GNA12: variants seen among roughly 807,000 people sequenced by gnomAD.
GNA12 encodes the protein G protein subunit alpha 12, also known as guanine nucleotide-binding protein subunit alpha-12.
Under a neutral mutation model 26.0 loss-of-function variants are expected in GNA12, and 9 were observed. That is an observed-to-expected ratio of 0.35 (90% CI 0.21 to 0.60). GNA12 has a LOEUF of 0.60. Among genes scored for constraint, GNA12 ranks in the 20% least tolerant of loss-of-function variants. The pLI is 0.78. For missense variants in GNA12, 405 were observed against 525.8 expected, an observed-to-expected ratio of 0.77 and a Z score of 2.25; for synonymous variants, 264 against 219.6, an observed-to-expected ratio of 1.20 and a Z score of -1.79.
At chr7:2,814,253 G>T in intron 1 of GNA12, 1 of 883,942 alleles carries the variant, frequency 1.1e-6, no homozygotes, top group South Asian at 1.3e-5. Context: ...CTTCTTTGGA[G>T]AATCCTGACT....
At chr7:2,814,635 CTT>C (rs35209860) in intron 1 of GNA12, among the ~76,000 whole-genome samples, 3,163 of 133,642 alleles carry the variant, frequency 0.024, 82 homozygotes, top group African/African-American at 0.066. Context: ...CTTTTCCTGC[CTT>C]TTTTTTTTTT....
chr7:2,786,283 A>G (rs919986785), intron 2 of GNA12, among the ~76,000 whole-genome samples: 1 of 152,222 alleles, frequency 6.6e-6, no homozygotes, highest in African/African-American at 2.4e-5. Context: ...TATCTGTGTA[A>G]CTTCCTGTGA....
rs370657338 is a variant in GNA12, at chr7:2,822,075, C to T, written c.309+21778G>A. On this transcript the variant is annotated intron_variant, in intron 1 of 3. Coordinates refer to ENST00000275364, the MANE Select transcript of GNA12 (RefSeq NM_007353.3). ...GATATACACATCAACAAGGGTGATT[C>T]AGATTACCACCAACATTTCTTAACA... 2.6e-5 allele frequency among the ~76,000 whole-genome samples: 4 copies of T among 152,172 alleles called. No individual in the cohort carries two copies. In the East Asian group the frequency reaches 5.8e-4, roughly 22 times the overall value.
chr7:2,837,678 T>C (rs891934803), intron 1 of GNA12, among the ~76,000 whole-genome samples: 1 of 152,130 alleles, frequency 6.6e-6, no homozygotes, highest in Non-Finnish European at 1.5e-5. Context: ...CCTTCAGGAA[T>C]GAAGAGGAAA....
intron 1 of GNA12, among the ~76,000 whole-genome samples, chr7:2,833,739 CTG>C (rs33942482): frequency 0.25 from 37,338 of 151,948 alleles, 5,096 homozygotes; most frequent in Non-Finnish European, 0.29. Context: ...AAAAACCAAA[CTG>C]TGCTTCCAGA....
intron 2 of GNA12, among the ~76,000 whole-genome samples, chr7:2,786,546 A>G (rs1459049170): frequency 2.6e-5 from 4 of 152,190 alleles, no homozygotes; most frequent in Admixed American, 2.6e-4. Flanking sequence ...ACGTATAAAC[A>G]TATTATATCT....
At chr7:2,741,637 G>A (rs182832128) in intron 2 of GNA12, among the ~76,000 whole-genome samples, 43 of 151,902 alleles carry the variant, frequency 2.8e-4, no homozygotes, top group African/African-American at 9.7e-4. Flanking sequence ...TCTTTCTCTA[G>A]ATTCACCTGT....
intron 2 of GNA12, among the ~76,000 whole-genome samples, chr7:2,742,935 C>A (rs1331065639): frequency 6.6e-6 from 1 of 152,204 alleles, no homozygotes; most frequent in Non-Finnish European, 1.5e-5. Context: ...CCTGTAGGTT[C>A]TTCTCAATTT....
At position 2,745,756 on chromosome 7, in the gene GNA12, T is replaced by G. The variant is rs913635178; in HGVS notation, c.526-12255A>C. On this transcript the variant is annotated intron_variant, in intron 2 of 3. Transcript: ENST00000275364. Reference sequence around the variant, plus strand: ...GATAAAGAGTCAAGACCCATCAGTGTGCTGTATTCAGGAAACCCATCTCAC... The same window carrying G: ...GATAAAGAGTCAAGACCCATCAGTGGGCTGTATTCAGGAAACCCATCTCAC... Among the ~76,000 whole-genome samples the G allele has an allele frequency of 7.0e-4, 106 of 152,320 alleles. 1 individual carries two copies. Among genetic ancestry groups the G allele is most frequent in the Non-Finnish European group, 1.2e-3 (83 of 68,024 alleles).
chr7:2,730,866 C>G lies in GNA12; in HGVS notation c.*315G>C. On this transcript the variant is annotated 3_prime_UTR_variant, in exon 4 of 4. Transcript: ENST00000275364. Reference sequence around the variant, plus strand: ...ACACACAACACGGTCCTCAATTAAACTGCGTCAGAAAAAGAGGAACGTTTC... The same window carrying G: ...ACACACAACACGGTCCTCAATTAAAGTGCGTCAGAAAAAGAGGAACGTTTC... 3.1e-6 allele frequency: 1 copy of G among 322,302 alleles called. No homozygotes were observed. The highest frequency in any genetic ancestry group is 4.7e-5 in the South Asian group (1 of 21,090). The allele number at this position is 322,302 out of a possible 1,614,324, so 20.0% of individuals were successfully genotyped here.
chr7:2,756,944 C>T (rs895478873), intron 2 of GNA12, among the ~76,000 whole-genome samples: 14 of 152,150 alleles, frequency 9.2e-5, no homozygotes, highest in African/African-American at 2.9e-4. Flanking sequence ...TGTGGTGGCA[C>T]ATGCCTGTAG....
At chr7:2,782,820 A>T (rs1792264020) in intron 2 of GNA12, among the ~76,000 whole-genome samples, 1 of 150,904 alleles carries the variant, frequency 6.6e-6, no homozygotes. Flanking sequence ...CTTCCTCCTG[A>T]CCTTTTATAT....
At chr7:2,760,603 T>C (rs570208643) in intron 2 of GNA12, among the ~76,000 whole-genome samples, 2 of 152,298 alleles carry the variant, frequency 1.3e-5, no homozygotes, top group South Asian at 2.1e-4. Context: ...CACCAGAGCC[T>C]GTGAAGACTT....
chr7:2,811,552 C>G (rs1454827808), intron 1 of GNA12, among the ~76,000 whole-genome samples: 2 of 152,158 alleles, frequency 1.3e-5, no homozygotes, highest in African/African-American at 4.8e-5. Flanking sequence ...ATATAGACTT[C>G]TTAAAAAATC....
At chr7:2,801,001 C>T (rs1226174728) in intron 1 of GNA12, among the ~76,000 whole-genome samples, 6 of 152,052 alleles carry the variant, frequency 3.9e-5, no homozygotes, top group Non-Finnish European at 5.9e-5. Context: ...TATCTCGGCA[C>T]GGAGAAGGTA....
chr7:2,842,100 A>AGAGAAGGG (rs879694805), intron 1 of GNA12, among the ~76,000 whole-genome samples: 1 of 146,748 alleles, frequency 6.8e-6, no homozygotes, highest in Non-Finnish European at 1.5e-5. Flanking sequence ...AAAGGAAGGA[A>AGAGAAGGG]AGGAAGGAAG....
At position 2,836,546 on chromosome 7, in the gene GNA12, GA is replaced by G. The variant is rs376186606; in HGVS notation, c.309+7306del. Among the ~76,000 whole-genome samples the G allele has an allele frequency of 3.3e-5, 5 of 152,288 alleles. No individual in the cohort carries two copies. The East Asian group carries it at 7.7e-4, about 24-fold the overall frequency. On this transcript the variant is annotated intron_variant, in intron 1 of 3. Coordinates refer to ENST00000275364, the MANE Select transcript of GNA12 (RefSeq NM_007353.3). ...AAGGTACAGAGAAAAAGAACTCCAA[GA>G]AGAGCCTGTTCTTGGCCAAAGGACC...
At chr7:2,750,070 G>A (rs798503) in intron 2 of GNA12, among the ~76,000 whole-genome samples, 63,657 of 152,012 alleles carry the variant, frequency 0.42, 13,492 homozygotes, top group Admixed American at 0.47. Flanking sequence ...AATATGATAA[G>A]TATGAAGAAA....
At chr7:2,754,132 T>C (rs1359487946) in intron 2 of GNA12, among the ~76,000 whole-genome samples, 1 of 152,174 alleles carries the variant, frequency 6.6e-6, no homozygotes, top group African/African-American at 2.4e-5. Flanking sequence ...CCAGCATTTG[T>C]TATTTTCACT....
Sources: gnomAD v4.1 joint callset for allele counts (sites outside exome capture counted in the v4.1 genomes callset) on GRCh38, gnomAD v4.1.1 for gene constraint, MANE v1.5 for transcripts, NCBI Gene and HGNC (gene_info 2026-07-23, HGNC 2026-07-21) for gene names.